The following NXPH1 variants were observed in gnomAD, a reference collection of about 807,000 sequenced individuals.
NXPH1 encodes neurexophilin-1.
In NXPH1, 5 loss-of-function variants were observed where a neutral mutation model predicts 23.7. The ratio of observed to expected loss-of-function variants is 0.21; its 90% CI spans 0.11 to 0.44. The LOEUF (loss-of-function observed/expected upper bound fraction) is 0.44. Ranked by LOEUF, NXPH1 falls within the 20% of genes least tolerant of loss-of-function variation. The probability of loss-of-function intolerance (pLI) is 0.99; values close to 1 mark genes in which losing one functional copy is unlikely to be tolerated. For synonymous variants in NXPH1, 144 were observed against 122.2 expected, an observed-to-expected ratio of 1.18 and a Z score of -1.18; for missense variants, 324 against 321.6, an observed-to-expected ratio of 1.01 and a Z score of -0.06.
rs147236612 is a variant in NXPH1 at position 8,469,795 on chromosome 7, G to T, written c.54+34028G>T. The stretch of plus-strand genomic sequence containing the variant: ...TAACTACCAAAGACTAGACATGCTG[G>T]GCATTTAATATACATTGTCTCTAAT... On this transcript the variant is annotated intron_variant, in intron 2 of 2. Transcript: ENST00000405863. Among the ~76,000 whole-genome samples the T allele has an allele frequency of 1.5e-4, 23 of 152,088 alleles. 1 individual carries two copies. The East Asian group carries it at 4.5e-3, about 29-fold the overall frequency.
chr7:8,587,142 C>G (rs991723404), intron 2 of NXPH1, among the ~76,000 whole-genome samples: 6 of 152,114 alleles, frequency 3.9e-5, no homozygotes, highest in African/African-American at 1.4e-4. Context: ...AGTCATATCT[C>G]AGGCACCATG....
chr7:8,687,635 G>T (rs1252793257), intron 2 of NXPH1, among the ~76,000 whole-genome samples: 1 of 152,096 alleles, frequency 6.6e-6, no homozygotes, highest in Non-Finnish European at 1.5e-5. Flanking sequence ...AAAGTGATTT[G>T]GGGCAAGATA....
intron 2 of NXPH1, among the ~76,000 whole-genome samples, chr7:8,479,177 C>A (rs146614152): frequency 6.6e-6 from 1 of 151,960 alleles, no homozygotes; most frequent in African/African-American, 2.4e-5. Flanking sequence ...TATAAAACAG[C>A]AGATTTAATA....
At chr7:8,587,700 T>C (rs1036969525) in intron 2 of NXPH1, among the ~76,000 whole-genome samples, 1 of 152,040 alleles carries the variant, frequency 6.6e-6, no homozygotes, top group African/African-American at 2.4e-5. Context: ...GTGTTCTTAT[T>C]GTTCAACTCC....
At chr7:8,580,163 C>A (rs527626620) in intron 2 of NXPH1, among the ~76,000 whole-genome samples, 4 of 152,126 alleles carry the variant, frequency 2.6e-5, no homozygotes, top group Admixed American at 1.3e-4. Flanking sequence ...GGACTTATGA[C>A]CTTCCATGTA....
chr7:8,720,979 C>G (rs921479572), intron 2 of NXPH1, among the ~76,000 whole-genome samples: 3 of 152,110 alleles, frequency 2.0e-5, no homozygotes, highest in Non-Finnish European at 4.4e-5. Flanking sequence ...CAACTGAATG[C>G]AATGCAATTG....
chr7:8,720,713 C>T (rs187120703), intron 2 of NXPH1, among the ~76,000 whole-genome samples: 26 of 152,256 alleles, frequency 1.7e-4, no homozygotes, highest in African/African-American at 5.5e-4. Context: ...ACTTACTAGG[C>T]GATGATTTTG....
chr7:8,488,373 T>A (rs1169776198), intron 2 of NXPH1, among the ~76,000 whole-genome samples: 1 of 152,152 alleles, frequency 6.6e-6, no homozygotes, highest in African/African-American at 2.4e-5. Context: ...TCAAAAAAAG[T>A]AATGACTTCC....
At chr7:8,456,189 T>C (rs1177755992) in intron 2 of NXPH1, among the ~76,000 whole-genome samples, 3 of 152,160 alleles carry the variant, frequency 2.0e-5, no homozygotes, top group Non-Finnish European at 2.9e-5. Flanking sequence ...TTTTACTGCT[T>C]CCCCATCTAC....
chr7:8,460,811 TCAA>T (rs1816681704), intron 2 of NXPH1, among the ~76,000 whole-genome samples: 1 of 152,194 alleles, frequency 6.6e-6, no homozygotes, highest in Non-Finnish European at 1.5e-5. Flanking sequence ...GAAAAATTAT[TCAA>T]CAACAGTCAA....
intron 2 of NXPH1, among the ~76,000 whole-genome samples, chr7:8,627,618 A>G (rs1288509210): frequency 5.9e-5 from 9 of 152,176 alleles, no homozygotes. Context: ...ATTATAGATC[A>G]TGAAGCAGGA....
At chr7:8,439,743 G>A (rs914024982) in intron 2 of NXPH1, among the ~76,000 whole-genome samples, 1 of 152,036 alleles carries the variant, frequency 6.6e-6, no homozygotes, top group Non-Finnish European at 1.5e-5. Flanking sequence ...TGTATCTATG[G>A]GACCACTACC....
chr7:8,643,862 A>G (rs542815321), intron 2 of NXPH1, among the ~76,000 whole-genome samples: 13 of 152,160 alleles, frequency 8.5e-5, no homozygotes, highest in Non-Finnish European at 1.6e-4. Flanking sequence ...ATTTAAAACT[A>G]TGTGGATTTG....
chr7:8,656,826 C>G (rs1340453532), intron 2 of NXPH1, among the ~76,000 whole-genome samples: 4 of 152,058 alleles, frequency 2.6e-5, no homozygotes, highest in East Asian at 1.9e-4. Context: ...ATTTTACTGA[C>G]AATGATGATT....
intron 2 of NXPH1, among the ~76,000 whole-genome samples, chr7:8,715,819 G>A (rs1274755378): frequency 1.3e-5 from 2 of 152,038 alleles, no homozygotes; most frequent in Non-Finnish European, 2.9e-5. Context: ...GAGAGATGAA[G>A]GGAGAGGTGT....
chr7:8,679,124 T>C (rs1821010963), intron 2 of NXPH1, among the ~76,000 whole-genome samples: 1 of 151,686 alleles, frequency 6.6e-6, no homozygotes, highest in Non-Finnish European at 1.5e-5. Flanking sequence ...ATTTTTTGTA[T>C]TTTTAGTAGA....
At chr7:8,493,953 G>A (rs6943939) in intron 2 of NXPH1, among the ~76,000 whole-genome samples, 7,888 of 151,950 alleles carry the variant, frequency 0.052, 233 homozygotes, top group South Asian at 0.075. Context: ...AATAAGAAAA[G>A]GGATCCAAAA....
intron 2 of NXPH1, among the ~76,000 whole-genome samples, chr7:8,728,515 C>G (rs1189041388): frequency 6.6e-6 from 1 of 152,146 alleles, no homozygotes; most frequent in Non-Finnish European, 1.5e-5. Flanking sequence ...TATGTCCCAT[C>G]CATACTTAAT....
chr7:8,574,341 T>C (rs1449552716), intron 2 of NXPH1, among the ~76,000 whole-genome samples: 1 of 152,130 alleles, frequency 6.6e-6, no homozygotes, highest in East Asian at 1.9e-4. Flanking sequence ...CTCCAGCTCC[T>C]GGGCTCCAGC....
Sources: allele counts gnomAD v4.1 joint callset (sites outside exome capture counted in the v4.1 genomes callset), GRCh38; gene constraint gnomAD v4.1.1; transcripts MANE v1.5; gene names NCBI Gene and HGNC (gene_info 2026-07-23, HGNC 2026-07-21).